FBN2: variants seen among roughly 807,000 people sequenced by gnomAD.
FBN2 encodes fibrillin-2.
A neutral mutation model predicts 355.6 loss-of-function variants in FBN2; 105 were observed. That is an observed-to-expected ratio of 0.30 (90% CI 0.25 to 0.35). The LOEUF is 0.35. Ranked by LOEUF, FBN2 falls within the 10% of genes least tolerant of loss-of-function variation. The pLI is 1.00. For synonymous variants in FBN2, 1,350 were observed against 1,301.2 expected (o/e 1.04, Z -0.81); for missense variants, 3,280 against 3,758.7 (o/e 0.87, Z 3.33).
At chr5:128,534,522 C>A (rs369316640) in intron 2 of FBN2, among the ~76,000 whole-genome samples, 3 of 152,148 alleles carry the variant, frequency 2.0e-5, no homozygotes, top group Non-Finnish European at 2.9e-5. Context: ...TTTGTAGATA[C>A]GTCTTGACAC....
chr5:128,290,987 A>C, intron 49 of FBN2, 103 bp from the exon 50 acceptor site: 1 of 1,106,142 alleles, frequency 9.0e-7, no homozygotes, highest in South Asian at 1.3e-5. Flanking sequence ...ATCAGCAGTT[A>C]AGGCAGGTCT....
rs973895129 is a variant in FBN2, at chr5:128,466,065, G to A, written c.629-1144C>T. ...CTTTCAGTGAAACTTTTCGATGATC[G>A]GTGAAACAGAACTGAATCATGAACT... On this transcript the variant is annotated intron_variant, in intron 5 of 64. Transcript: ENST00000262464. Among the ~76,000 whole-genome samples the A allele has an allele frequency of 6.8e-4, 103 of 152,248 alleles. 1 individual carries two copies. The highest frequency in any genetic ancestry group is 2.3e-3 in the African/African-American group (96 of 41,552).
rs147843243 is a variant in FBN2 at position 128,397,804 on chromosome 5, CTG to C, written c.1079-2532_1079-2531del. ...TTAGGCTACTATTAAACTCCGGAGA[CTG>C]TGAATTTCAACTCTGATAGTTTCAC... On this transcript the variant is annotated intron_variant, in intron 8 of 64. Transcript: ENST00000262464. Among the ~76,000 whole-genome samples, 858 of 152,202 alleles carry C rather than the reference CTG, an allele frequency of 5.6e-3. 9 individuals are homozygous for C. Among genetic ancestry groups the C allele is most frequent in the African/African-American group, 0.019 (784 of 41,526 alleles).
At chr5:128,437,265 G>A (rs564175113) in intron 7 of FBN2, among the ~76,000 whole-genome samples, 10 of 152,176 alleles carry the variant, frequency 6.6e-5, no homozygotes, top group East Asian at 5.8e-4. Context: ...TGACAAACAC[G>A]CTATGGTATA....
intron 7 of FBN2, among the ~76,000 whole-genome samples, chr5:128,433,950 A>G (rs1367172662): frequency 2.0e-5 from 3 of 152,174 alleles, no homozygotes; most frequent in Admixed American, 1.3e-4. Context: ...TTCTCATACT[A>G]TAACTAAATT....
intron 18 of FBN2, among the ~76,000 whole-genome samples, chr5:128,364,027 TCA>T (rs1467868529): frequency 2.6e-4 from 39 of 152,326 alleles, no homozygotes; most frequent in Middle Eastern, 3.4e-3. Context: ...AAAAGTCCAC[TCA>T]AGTGCTTTAT....
At chr5:128,494,587 A>C (rs1755602817) in intron 5 of FBN2, among the ~76,000 whole-genome samples, 1 of 152,196 alleles carries the variant, frequency 6.6e-6, no homozygotes, top group Admixed American at 6.5e-5. Flanking sequence ...GGCCTAACAG[A>C]TGGGTGTGAT....
At chr5:128,491,074 A>C (rs760522812) in intron 5 of FBN2, among the ~76,000 whole-genome samples, 37 of 152,198 alleles carry the variant, frequency 2.4e-4, no homozygotes, top group Non-Finnish European at 5.0e-4. Flanking sequence ...AGTTCAGAGA[A>C]ACATAATATG....
intron 4 of FBN2, among the ~76,000 whole-genome samples, chr5:128,521,847 C>A (rs1756441719): frequency 6.6e-6 from 1 of 152,166 alleles, no homozygotes; most frequent in Non-Finnish European, 1.5e-5. Context: ...CCTTGAGTTT[C>A]TCCTAGAAAG....
chr5:128,259,830 C>T lies in FBN2; in HGVS notation c.8365-1G>A. On this transcript the variant is annotated splice_acceptor_variant, in intron 64 of 64. Coordinates refer to ENST00000262464, the MANE Select transcript of FBN2 (RefSeq NM_001999.4). LOFTEE classifies it high-confidence loss of function. ...CACTCTCTAGGCTGATCTGTTCAAC[C>T]TGGAGGAAGAACAGGAAATGATTTG... 1 of 1,613,370 alleles carries T rather than the reference C, an allele frequency of 6.2e-7. No individual in the cohort carries two copies. Among genetic ancestry groups the T allele is most frequent in the Non-Finnish European group, 8.5e-7 (1 of 1,179,904 alleles).
At chr5:128,481,791 C>T (rs1194933988) in intron 5 of FBN2, among the ~76,000 whole-genome samples, 2 of 152,072 alleles carry the variant, frequency 1.3e-5, no homozygotes, top group Non-Finnish European at 2.9e-5. Context: ...AAACACTTTA[C>T]TTGAGTTTCT....
chr5:128,487,073 T>G (rs556761367), intron 5 of FBN2, among the ~76,000 whole-genome samples: 3 of 152,268 alleles, frequency 2.0e-5, no homozygotes, highest in African/African-American at 7.2e-5. Flanking sequence ...CTGCCCCCTT[T>G]AAAATTAGGT....
intron 5 of FBN2, among the ~76,000 whole-genome samples, chr5:128,503,869 C>T (rs1402350872): frequency 6.6e-6 from 1 of 152,128 alleles, no homozygotes; most frequent in Non-Finnish European, 1.5e-5. Flanking sequence ...TGTCAGAGAC[C>T]TTCATGGCAG....
At chr5:128,472,409 T>C (rs1354415942) in intron 5 of FBN2, among the ~76,000 whole-genome samples, 3 of 152,150 alleles carry the variant, frequency 2.0e-5, no homozygotes, top group Non-Finnish European at 4.4e-5. Flanking sequence ...AGGAGATTTC[T>C]GTTTTACAAG....
chr5:128,431,607 TTTGCC>T (rs1753630037), intron 7 of FBN2, among the ~76,000 whole-genome samples: 1 of 152,226 alleles, frequency 6.6e-6, no homozygotes, highest in South Asian at 2.1e-4. Flanking sequence ...ATATGACTTT[TTTGCC>T]TTATTAAGTC....
intron 5 of FBN2, among the ~76,000 whole-genome samples, chr5:128,515,677 C>T (rs1273604054): frequency 6.6e-6 from 1 of 152,164 alleles, no homozygotes; most frequent in Non-Finnish European, 1.5e-5. Context: ...TGAACTCTAA[C>T]ATTTGCAACT....
intron 5 of FBN2, among the ~76,000 whole-genome samples, chr5:128,481,731 C>A (rs1755194456): frequency 6.6e-6 from 1 of 152,130 alleles, no homozygotes; most frequent in South Asian, 2.1e-4. Flanking sequence ...TTTATATCTT[C>A]TGTCCCTAAT....
intron 10 of FBN2, among the ~76,000 whole-genome samples, chr5:128,392,613 A>C (rs906677498): frequency 6.6e-6 from 1 of 152,224 alleles, no homozygotes; most frequent in Non-Finnish European, 1.5e-5. Context: ...CACGGTTTTC[A>C]ATTTCTTAAG....
chr5:128,271,250 G>A (rs1253411234), intron 62 of FBN2, among the ~76,000 whole-genome samples: 1 of 152,190 alleles, frequency 6.6e-6, no homozygotes, highest in East Asian at 1.9e-4. Flanking sequence ...CAGGACCACA[G>A]TGCCCCTTTC....
Sources: allele counts gnomAD v4.1 joint callset (sites outside exome capture counted in the v4.1 genomes callset), GRCh38; gene constraint gnomAD v4.1.1; transcripts MANE v1.5; gene names NCBI Gene and HGNC (gene_info 2026-07-23, HGNC 2026-07-21).